DYNLRB2: variants seen among roughly 807,000 people sequenced by gnomAD.
DYNLRB2 encodes dynein light chain roadblock-type 2.
DYNLRB2 carries 14 observed loss-of-function variants against 12.6 expected under a neutral mutation model. The observed-to-expected ratio is 1.11, with a 90% CI of 0.73 to 1.73. The LOEUF is 1.73. Ranked by LOEUF, DYNLRB2 falls within the 40% of genes most tolerant of loss-of-function variation. The probability of loss-of-function intolerance (pLI) is 0.00; values close to 1 mark genes in which losing one functional copy is unlikely to be tolerated. For missense variants in DYNLRB2, 142 were observed against 117.7 expected (o/e 1.21, Z -0.95); for synonymous variants, 53 against 37.0 (o/e 1.43, Z -1.57).
chr16:80,541,156 G>C, intron 1 of DYNLRB2, 77 bp downstream of exon 1: 1 of 1,539,868 alleles, frequency 6.5e-7, no homozygotes. Flanking sequence ...CCAGCTTCTG[G>C]GGCCCACCCA....
At chr16:80,541,259 T>C (rs1319334957) in intron 1 of DYNLRB2, 180 bp downstream of exon 1, 1 of 946,640 alleles carries the variant, frequency 1.1e-6, no homozygotes, top group East Asian at 1.2e-4. Flanking sequence ...GGCAAGAAGA[T>C]GTCTAGATGA....
At chr16:80,540,792 G>T, upstream of DYNLRB2, 1 of 704,632 alleles carries the variant, frequency 1.4e-6, no homozygotes. Context: ...CACAGGCCGG[G>T]AGCCTGACCC....
In DYNLRB2 at chr16:80,548,801, G is replaced by A. The variant is rs549162910; in HGVS notation, c.80-683G>A. Reference sequence around the variant, plus strand: ...AAAGCCAAAAATGGGTGCAAACCACGGAATGCACAGCAAAACTACAATATC... The same window carrying A: ...AAAGCCAAAAATGGGTGCAAACCACAGAATGCACAGCAAAACTACAATATC... On this transcript the variant is annotated intron_variant, in intron 2 of 3. Coordinates refer to ENST00000305904, the MANE Select transcript of DYNLRB2 (RefSeq NM_130897.3). 7.7e-4 allele frequency: 264 copies of A among 342,824 alleles called. 2 individuals carry two copies. The highest frequency in any genetic ancestry group is 5.3e-3 in the African/African-American group (248 of 46,872). 21.2% of individuals were successfully genotyped at this position (342,824 alleles called of 1,614,324 possible).
intron 1 of DYNLRB2, chr16:80,541,418 G>C: frequency 1.0e-6 from 1 of 984,304 alleles, no homozygotes. Context: ...GAGGGGGCGG[G>C]AGGCCGAGAT....
At chr16:80,545,936 T>C (rs1455310495) in intron 2 of DYNLRB2, among the ~76,000 whole-genome samples, 2 of 152,026 alleles carry the variant, frequency 1.3e-5, no homozygotes, top group Non-Finnish European at 2.9e-5. Flanking sequence ...CCCAAAGTGC[T>C]GGGATTACAG....
At chr16:80,543,419 C>T (rs1482411631) in intron 2 of DYNLRB2, 68 bp downstream of exon 2, 1 of 1,476,986 alleles carries the variant, frequency 6.8e-7, no homozygotes, top group South Asian at 1.2e-5. Context: ...CCGTGTTAGT[C>T]CTTAAGACAA....
rs12597602 is a variant in DYNLRB2 at position 80,545,621 on chromosome 16, C to A, written c.79+2270C>A. Among the ~76,000 whole-genome samples the A allele has an allele frequency of 3.4e-5, 5 of 147,000 alleles. No homozygotes were observed. The Admixed American group carries it at 3.4e-4, about 10-fold the overall frequency. ...CTGAGGTTCCTCAATTAACACTTCT[C>A]TTATCCGAAGGCAACAAAATATTAT... is the stretch of plus-strand genomic sequence containing the variant. On this transcript the variant is annotated intron_variant, in intron 2 of 3. Transcript: ENST00000305904.
At chr16:80,540,851 T>G (rs963621975), upstream of DYNLRB2, 9 of 770,452 alleles carry the variant, frequency 1.2e-5, no homozygotes, top group Non-Finnish European at 1.6e-5. Flanking sequence ...TGGGCGAACC[T>G]CAGGTGAGCG....
At chr16:80,549,163 A>G (rs1310664784) in intron 2 of DYNLRB2, 2 of 370,528 alleles carry the variant, frequency 5.4e-6, no homozygotes, top group African/African-American at 2.1e-5. Flanking sequence ...GAGATTGATT[A>G]TATGTCCATA....
Position 80,543,314 on chromosome 16 carries a change from T to C in DYNLRB2, c.42T>C (p.His14=). The part of the protein sequence containing the change: ...VEETLKRIQS[H]KGVIGTMVVN... ...AAACCTTAAAGAGGATCCAGAGTCA[T>C]AAAGGGGTTATTGGAACTATGGTTG... Residue 14 remains histidine, a synonymous_variant, in exon 2 of 4, where the codon CAT becomes CAC. Transcript: ENST00000305904. The C allele has an allele frequency of 6.8e-6, 11 of 1,614,008 alleles. No homozygotes were observed. The highest frequency in any genetic ancestry group is 9.3e-6 in the Non-Finnish European group (11 of 1,179,916).
At chr16:80,541,415 C>T in intron 1 of DYNLRB2, 1 of 982,460 alleles carries the variant, frequency 1.0e-6, no homozygotes, top group Non-Finnish European at 1.2e-6. Context: ...AAAGAGGGGG[C>T]GGGAGGCCGA....
chr16:80,541,605 A>G (rs1452889360), intron 1 of DYNLRB2, among the ~76,000 whole-genome samples: 1 of 140,382 alleles, frequency 7.1e-6, no homozygotes. Context: ...AAGAAAAAAA[A>G]AAGTAGAGAC....
At chr16:80,543,505 T>C (rs1904309088) in intron 2 of DYNLRB2, among the ~76,000 whole-genome samples, 154 bp downstream of exon 2, 1 of 152,198 alleles carries the variant, frequency 6.6e-6, no homozygotes, top group African/African-American at 2.4e-5. Flanking sequence ...ATCTATTGAG[T>C]ATCTGTTATA....
intron 2 of DYNLRB2, chr16:80,549,264 AAC>A (rs375486182): frequency 1.1e-4 from 52 of 476,870 alleles, no homozygotes; most frequent in African/African-American, 9.8e-4. Context: ...AGAAAAAAGC[AAC>A]AGTCAAGTTT....
rs1904717179 is a variant in DYNLRB2, at chr16:80,549,639, A to C, written c.235A>C (p.Met79Leu). Residue 79 changes from methionine to leucine, a missense_variant, in exon 3 of 4, where the codon ATG (methionine) becomes CTG (leucine). Coordinates refer to ENST00000305904, the MANE Select transcript of DYNLRB2 (RefSeq NM_130897.3). ...GATCAGATCAAAGAAACATGAAATC[A>C]TGGTAGCTCCAGGTAATTTGGCATT... ...LRIRSKKHEIMVAPDKEYLLI... is the reference protein window; with the variant it reads ...LRIRSKKHEILVAPDKEYLLI... 1.3e-6 allele frequency: 2 copies of C among 1,597,256 alleles called. No individual in the cohort carries two copies. Among genetic ancestry groups the C allele is most frequent in the Non-Finnish European group, 1.7e-6 (2 of 1,167,524 alleles).
At chr16:80,542,893 G>A (rs1904301397) in intron 1 of DYNLRB2, among the ~76,000 whole-genome samples, 1 of 152,220 alleles carries the variant, frequency 6.6e-6, no homozygotes. Flanking sequence ...GCACTGTAAT[G>A]TAGAAAAGGA....
At chr16:80,545,792 C>CA (rs1316274745) in intron 2 of DYNLRB2, among the ~76,000 whole-genome samples, 1 of 148,338 alleles carries the variant, frequency 6.7e-6, no homozygotes, top group Non-Finnish European at 1.5e-5. Flanking sequence ...TCTCCTGCCT[C>CA]AGCCTCCCAA....
chr16:80,540,928 G>T, upstream of DYNLRB2: 1 of 1,458,664 alleles, frequency 6.9e-7, no homozygotes, highest in Admixed American at 2.0e-5. Flanking sequence ...CGGTCAGGGC[G>T]AAAAAGCCGA....
chr16:80,541,014 G>T lies in DYNLRB2; in HGVS notation c.-63G>T. On this transcript the variant is annotated 5_prime_UTR_variant, in exon 1 of 4. Transcript: ENST00000305904. ...TTTTGTCTCCTAGCAACGGCGGGTA[G>T]CGTTGTTGACATCCCGGGAGGCTGT... 2.5e-6 allele frequency: 4 copies of T among 1,584,730 alleles called. No individual in the cohort carries two copies. Among genetic ancestry groups the T allele is most frequent in the Non-Finnish European group, 3.4e-6 (4 of 1,162,086 alleles).
Sources: allele counts gnomAD v4.1 joint callset (sites outside exome capture counted in the v4.1 genomes callset), GRCh38; gene constraint gnomAD v4.1.1; transcripts MANE v1.5; gene names NCBI Gene and HGNC (gene_info 2026-07-23, HGNC 2026-07-21).